Variants in TBC1D22A observed in about 807,000 individuals in gnomAD.
TBC1D22A encodes the protein TBC1 domain family member 22A.
TBC1D22A carries 38 observed loss-of-function variants against 60.2 expected under a neutral mutation model. The observed-to-expected ratio is 0.63, with a 90% CI of 0.49 to 0.83. The LOEUF (loss-of-function observed/expected upper bound fraction) is 0.83, where lower values mean the gene tolerates loss of function less well. Among genes scored for constraint, TBC1D22A ranks in the 40% least tolerant of loss-of-function variants. The pLI is 0.00. For missense variants in TBC1D22A, 628 were observed against 701.0 expected (o/e 0.90, Z 1.18); for synonymous variants, 302 against 281.7 (o/e 1.07, Z -0.72).
intron 8 of TBC1D22A, among the ~76,000 whole-genome samples, chr22:46,966,869 T>C (rs755998178): frequency 2.6e-5 from 4 of 152,218 alleles, no homozygotes; most frequent in Non-Finnish European, 5.9e-5. Flanking sequence ...ACTGCGGGTC[T>C]GCTTGCGGGT....
chr22:46,937,292 T>C (rs1319403951), intron 8 of TBC1D22A, among the ~76,000 whole-genome samples: 2 of 152,210 alleles, frequency 1.3e-5, no homozygotes, highest in Non-Finnish European at 2.9e-5. Flanking sequence ...GAATCCAGGA[T>C]ATACAGTTCT....
chr22:46,887,931 G>A (rs944846490), intron 5 of TBC1D22A, among the ~76,000 whole-genome samples: 7 of 152,196 alleles, frequency 4.6e-5, no homozygotes, highest in Admixed American at 3.9e-4. Context: ...TAAGGAGGAT[G>A]GAAGGAATGC....
intron 4 of TBC1D22A, among the ~76,000 whole-genome samples, chr22:46,856,908 G>T (rs537083621): frequency 6.6e-6 from 1 of 152,206 alleles, no homozygotes; most frequent in Non-Finnish European, 1.5e-5. Flanking sequence ...GAAATTACTG[G>T]CTCAGAGGGT....
At chr22:47,159,522 T>G (rs2067881597) in intron 12 of TBC1D22A, among the ~76,000 whole-genome samples, 1 of 151,002 alleles carries the variant, frequency 6.6e-6, no homozygotes, top group Admixed American at 6.6e-5. Flanking sequence ...TCACCATGTT[T>G]ACACACAGCA....
At chr22:47,052,314 C>A (rs1052138413) in intron 11 of TBC1D22A, among the ~76,000 whole-genome samples, 5 of 152,224 alleles carry the variant, frequency 3.3e-5, no homozygotes, top group African/African-American at 9.6e-5. Context: ...ATCGGCCATG[C>A]GGCCTGTGTG....
In TBC1D22A at chr22:47,091,889, C is replaced by G. The variant is rs138412806; in HGVS notation, c.1330-19619C>G. Among the ~76,000 whole-genome samples the G allele has an allele frequency of 5.3e-5, 8 of 152,266 alleles. No homozygotes were observed. The East Asian group carries it at 1.3e-3, about 26-fold the overall frequency. On this transcript the variant is annotated intron_variant, in intron 11 of 12. Coordinates refer to ENST00000337137, the MANE Select transcript of TBC1D22A (RefSeq NM_014346.5). ...GTAGGCTTCACCATTCTCTTAATCA[C>G]CTGTTTTGGGTACAGAGCTCTGTGA...
chr22:47,058,244 C>G (rs954847339), intron 11 of TBC1D22A, among the ~76,000 whole-genome samples: 2 of 152,172 alleles, frequency 1.3e-5, no homozygotes, highest in African/African-American at 4.8e-5. Context: ...CTCTGAGGGG[C>G]TGGCCTCCTC....
At chr22:46,803,160 A>AC (rs1021027879) in intron 4 of TBC1D22A, among the ~76,000 whole-genome samples, 1 of 150,168 alleles carries the variant, frequency 6.7e-6, no homozygotes, top group Admixed American at 6.6e-5. Context: ...CCACCAAAAG[A>AC]CCCCCCTCTG....
At chr22:47,150,079 A>T (rs902863546) in intron 12 of TBC1D22A, among the ~76,000 whole-genome samples, 2 of 152,114 alleles carry the variant, frequency 1.3e-5, no homozygotes, top group African/African-American at 4.8e-5. Flanking sequence ...GTTCCTGTCT[A>T]TAAAATGAGT....
Position 47,009,489 on chromosome 22 carries a change from TTC to T in TBC1D22A, c.1201+11781_1201+11782del, listed in dbSNP as rs2061689284. Among the ~76,000 whole-genome samples, 1 of 83,742 alleles carries T rather than the reference TTC, an allele frequency of 1.2e-5. No homozygotes were observed. The highest frequency in any genetic ancestry group is 3.8e-5 in the African/African-American group (1 of 26,476). The allele number at this position is 83,742 out of a possible 152,430, so 54.9% of individuals were successfully genotyped here. A position where few individuals can be genotyped will look rare whatever the true frequency, so the allele number is the denominator to read the frequency against. On this transcript the variant is annotated intron_variant, in intron 10 of 12. Coordinates refer to ENST00000337137, the MANE Select transcript of TBC1D22A (RefSeq NM_014346.5). This position sits in a 1 kb window ranked among gnomAD's most constrained non-coding sequence, Gnocchi z 5.8. The stretch of plus-strand genomic sequence containing the variant: ...CCATCGTCATCACTATCACCATCAT[TTC>T]ATCACCATCATCACCACCATCATCT...
Position 47,124,153 on chromosome 22 carries a change from G to A in TBC1D22A, c.1425+12550G>A, listed in dbSNP as rs962218245. On this transcript the variant is annotated intron_variant, in intron 12 of 12. Transcript: ENST00000337137. ...CTCTTGGGTCAGCGGGGGAGGGCACGCCTGAGCTGAGCATTTGAATCCCTG... is the reference window on the plus strand; with the variant it reads ...CTCTTGGGTCAGCGGGGGAGGGCACACCTGAGCTGAGCATTTGAATCCCTG... 5.3e-5 allele frequency among the ~76,000 whole-genome samples: 8 copies of A among 152,194 alleles called. No individual in the cohort carries two copies. In the East Asian group the frequency reaches 7.7e-4, roughly 15 times the overall value.
chr22:46,940,228 T>C (rs919890316), intron 8 of TBC1D22A, among the ~76,000 whole-genome samples: 3 of 152,140 alleles, frequency 2.0e-5, no homozygotes, highest in Admixed American at 6.5e-5. Context: ...GTTGGGAAAA[T>C]GGCACTGATG....
chr22:46,781,741 T>C (rs2083947087), intron 1 of TBC1D22A, among the ~76,000 whole-genome samples: 1 of 152,176 alleles, frequency 6.6e-6, no homozygotes, highest in Admixed American at 6.6e-5. Context: ...CTTGTGCACA[T>C]TGTTCCACTT....
chr22:46,809,256 G>C (rs1406483014), intron 4 of TBC1D22A, among the ~76,000 whole-genome samples: 3 of 152,112 alleles, frequency 2.0e-5, no homozygotes, highest in Non-Finnish European at 4.4e-5. Flanking sequence ...CATGTGTGGG[G>C]AGAGAGATCC....
chr22:46,776,007 C>G (rs548776141), intron 1 of TBC1D22A, among the ~76,000 whole-genome samples: 1 of 152,208 alleles, frequency 6.6e-6, no homozygotes, highest in African/African-American at 2.4e-5. Flanking sequence ...CTCCTGCTAC[C>G]GAGGGACTTC....
At chr22:46,999,898 G>T (rs955935402) in intron 10 of TBC1D22A, among the ~76,000 whole-genome samples, 1 of 152,086 alleles carries the variant, frequency 6.6e-6, no homozygotes, top group Non-Finnish European at 1.5e-5. Context: ...GGTGGCAGGC[G>T]CCTGGAGTCC....
intron 12 of TBC1D22A, among the ~76,000 whole-genome samples, chr22:47,155,583 G>T (rs1034175917): frequency 6.6e-6 from 1 of 151,982 alleles, no homozygotes; most frequent in South Asian, 2.1e-4. Context: ...TGGTTGCATC[G>T]TCACTGACAG....
chr22:47,143,371 G>A (rs1052287789), intron 12 of TBC1D22A, among the ~76,000 whole-genome samples: 1 of 152,214 alleles, frequency 6.6e-6, no homozygotes, highest in African/African-American at 2.4e-5. Flanking sequence ...CAAAGAAAAG[G>A]TGTCCCAATA....
intron 10 of TBC1D22A, among the ~76,000 whole-genome samples, chr22:47,034,046 G>A (rs947950194): frequency 1.3e-4 from 20 of 152,214 alleles, no homozygotes; most frequent in Admixed American, 7.8e-4. Context: ...CGGCAGCACC[G>A]TTTTGTTCTC....
Sources: gnomAD v4.1 joint callset for allele counts (sites outside exome capture counted in the v4.1 genomes callset) on GRCh38, gnomAD v4.1.1 for gene constraint, Gnocchi (gnomAD v3.1) non-coding constraint, MANE v1.5 for transcripts, NCBI Gene and HGNC (gene_info 2026-07-23, HGNC 2026-07-21) for gene names.